Variants in CNKSR2 observed in about 807,000 individuals in gnomAD.
CNKSR2 encodes CNK homolog protein 2.
Under a neutral mutation model 84.4 loss-of-function variants are expected in CNKSR2, and 14 were observed. The ratio of observed to expected loss-of-function variants is 0.17; its 90% CI spans 0.11 to 0.26. CNKSR2 has a LOEUF of 0.26. Among genes scored for constraint, CNKSR2 ranks in the 10% least tolerant of loss-of-function variants. The pLI is 1.00. For synonymous variants in CNKSR2, 275 were observed against 277.9 expected, an observed-to-expected ratio of 0.99 and a Z score of 0.10; for missense variants, 485 against 771.2, an observed-to-expected ratio of 0.63 and a Z score of 4.40.
At chrX:21,399,116 G>C (rs1046954859) in intron 1 of CNKSR2, among the ~76,000 whole-genome samples, 1 of 110,791 alleles carries the variant, frequency 9.0e-6, no homozygotes, top group Non-Finnish European at 1.9e-5. Flanking sequence ...ATACAGACCA[G>C]TAATACAATA....
At chrX:21,527,847 A>C (rs2091849474) in intron 10 of CNKSR2, among the ~76,000 whole-genome samples, 1 of 111,140 alleles carries the variant, frequency 9.0e-6, no homozygotes, top group African/African-American at 3.3e-5. Flanking sequence ...AATAGTATTA[A>C]ATTTCTTTCA....
chrX:21,553,375 A>T lies in CNKSR2; in HGVS notation c.1304-8096A>T, dbSNP rs745494462. 9.9e-5 allele frequency among the ~76,000 whole-genome samples: 11 copies of T among 110,745 alleles called. No homozygotes were observed. The Admixed American group carries it at 1.1e-3, about 11-fold the overall frequency. ...AGTTTTTTTTCACTGAATATCTGTG[A>T]AATCAGATTATCTGTGAAATCAGGG... On this transcript the variant is annotated intron_variant, in intron 11 of 21. Coordinates refer to ENST00000379510, the MANE Select transcript of CNKSR2 (RefSeq NM_014927.5).
intron 9 of CNKSR2, among the ~76,000 whole-genome samples, chrX:21,518,197 AT>A (rs1350058782): frequency 9.1e-6 from 1 of 110,281 alleles, no homozygotes; most frequent in Non-Finnish European, 1.9e-5. Flanking sequence ...CCATTACATT[AT>A]TTTTTTTCAC....
intron 20 of CNKSR2, among the ~76,000 whole-genome samples, chrX:21,624,605 G>T (rs1248032501): frequency 1.8e-5 from 2 of 110,923 alleles, no homozygotes; most frequent in Non-Finnish European, 3.8e-5. Flanking sequence ...CACCTCCCGG[G>T]TTCAAGCAAT....
chrX:21,596,081 T>C (rs1161593766), intron 17 of CNKSR2, among the ~76,000 whole-genome samples: 6 of 111,825 alleles, frequency 5.4e-5, no homozygotes, highest in Non-Finnish European at 1.1e-4. Context: ...CCAGTACATA[T>C]TACAAATATA....
intron 20 of CNKSR2, among the ~76,000 whole-genome samples, chrX:21,615,746 A>C (rs566359120): frequency 4.5e-5 from 5 of 111,869 alleles, no homozygotes; most frequent in Non-Finnish European, 9.4e-5. Flanking sequence ...ATACTTAAAT[A>C]GTGAATTAGG....
chrX:21,552,204 C>T (rs2092099745), intron 11 of CNKSR2, among the ~76,000 whole-genome samples: 1 of 111,204 alleles, frequency 9.0e-6, no homozygotes, highest in Non-Finnish European at 1.9e-5. Context: ...CAGCGATTTC[C>T]TAAGTACGTT....
chrX:21,458,798 C>T (rs1343703607), intron 4 of CNKSR2, among the ~76,000 whole-genome samples: 1 of 110,235 alleles, frequency 9.1e-6, no homozygotes, highest in African/African-American at 3.3e-5. Flanking sequence ...CTGTTATTCC[C>T]CTCTATGTGT....
At chrX:21,600,265 C>G (rs1393265018) in intron 17 of CNKSR2, among the ~76,000 whole-genome samples, 1 of 112,091 alleles carries the variant, frequency 8.9e-6, no homozygotes, top group African/African-American at 3.2e-5. Flanking sequence ...AGAATGTGAT[C>G]TTTCACTTGA....
intron 6 of CNKSR2, chrX:21,495,275 C>T (rs1407425921): frequency 9.0e-6 from 1 of 111,491 alleles, no homozygotes; most frequent in East Asian, 2.8e-4. Flanking sequence ...CCTCAGTTTC[C>T]TTATCTCTAA....
In CNKSR2 at chrX:21,407,557, T is replaced by A. The variant is rs148249808; in HGVS notation, c.65-18940T>A. ...CTCCTATTCAAGCAGAAATTTTGGT[T>A]GTTTTTCCCTCCTTCTTGGCAAGAT... is the stretch of plus-strand genomic sequence containing the variant. On this transcript the variant is annotated intron_variant, in intron 1 of 21. Coordinates refer to ENST00000379510, the MANE Select transcript of CNKSR2 (RefSeq NM_014927.5). 9.4e-3 allele frequency among the ~76,000 whole-genome samples: 1,043 copies of A among 111,359 alleles called. 11 individuals are homozygous for A. Among genetic ancestry groups the A allele is most frequent in the African/African-American group, 0.031 (959 of 30,746 alleles).
rs185475155 is a variant in CNKSR2 at position 21,394,364 on chromosome X, T to C, written c.64+19403T>C. ...TTTAAAAATGCATCTGGGTTATAGA[T>C]TTCAGGTGGCTGGCTTTGTTTTGGG... On this transcript the variant is annotated intron_variant, in intron 1 of 21. Coordinates refer to ENST00000379510, the MANE Select transcript of CNKSR2 (RefSeq NM_014927.5). Among the ~76,000 whole-genome samples, 13 of 111,902 alleles carry C rather than the reference T, an allele frequency of 1.2e-4. No homozygotes were observed. The East Asian group carries it at 3.6e-3, about 31-fold the overall frequency.
At chrX:21,610,623 C>A (rs1384356099) in intron 20 of CNKSR2, among the ~76,000 whole-genome samples, 1 of 112,163 alleles carries the variant, frequency 8.9e-6, no homozygotes, top group Non-Finnish European at 1.9e-5. Context: ...TGTTTGGTAC[C>A]CCTAGGGCAA....
chrX:21,412,029 G>A (rs998552918), intron 1 of CNKSR2, among the ~76,000 whole-genome samples: 2 of 112,055 alleles, frequency 1.8e-5, no homozygotes, highest in African/African-American at 6.5e-5. Context: ...AGGAAGGGAA[G>A]CATTCCTTAG....
chrX:21,483,922 A>T (rs2091350917), intron 5 of CNKSR2, among the ~76,000 whole-genome samples: 1 of 111,931 alleles, frequency 8.9e-6, no homozygotes, highest in East Asian at 2.8e-4. Flanking sequence ...TACAATGCAC[A>T]TGTCATCCTA....
chrX:21,485,769 A>G (rs1485323545), intron 5 of CNKSR2, among the ~76,000 whole-genome samples: 1 of 112,019 alleles, frequency 8.9e-6, no homozygotes, highest in Non-Finnish European at 1.9e-5. Flanking sequence ...TTTAAGGCAT[A>G]TCATTTACTA....
intron 11 of CNKSR2, among the ~76,000 whole-genome samples, chrX:21,552,099 G>GAA (rs761761441): frequency 4.7e-5 from 4 of 84,542 alleles, no homozygotes; most frequent in Admixed American, 1.3e-4. Flanking sequence ...TCCCCCATGA[G>GAA]AAAAAAAAAA....
At chrX:21,421,646 T>C (rs1005212045) in intron 1 of CNKSR2, among the ~76,000 whole-genome samples, 1 of 111,784 alleles carries the variant, frequency 8.9e-6, no homozygotes, top group African/African-American at 3.3e-5. Context: ...GTGGAATTGC[T>C]GAATTCTATG....
At chrX:21,636,385 C>T (rs2092672563) in intron 20 of CNKSR2, among the ~76,000 whole-genome samples, 1 of 110,638 alleles carries the variant, frequency 9.0e-6, no homozygotes, top group Non-Finnish European at 1.9e-5. Flanking sequence ...CAGACTTCAC[C>T]TATGTTATCT....
Sources: allele counts gnomAD v4.1 joint callset (sites outside exome capture counted in the v4.1 genomes callset), GRCh38; gene constraint gnomAD v4.1.1; transcripts MANE v1.5; gene names NCBI Gene and HGNC (gene_info 2026-07-23, HGNC 2026-07-21).